TTLL7: variants seen among roughly 807,000 people sequenced by gnomAD.
TTLL7 encodes the protein tubulin tyrosine ligase like 7.
TTLL7 carries 53 observed loss-of-function variants against 120.2 expected under a neutral mutation model. The observed-to-expected ratio is 0.44, with a 90% CI of 0.35 to 0.55. The LOEUF is 0.55. TTLL7 is among the 20% of genes least tolerant of loss of function. The pLI is 0.00. For synonymous variants in TTLL7, 353 were observed against 351.7 expected, an observed-to-expected ratio of 1.00 and a Z score of -0.04; for missense variants, 803 against 1,054.7, an observed-to-expected ratio of 0.76 and a Z score of 3.31.
intron 1 of TTLL7, among the ~76,000 whole-genome samples, chr1:83,989,090 C>G (rs900795709): frequency 1.3e-5 from 2 of 152,160 alleles, no homozygotes; most frequent in Non-Finnish European, 2.9e-5. Context: ...ACCTTTGTCA[C>G]ATACATAGTT....
chr1:83,967,383 TC>T (rs1650565131), intron 1 of TTLL7, among the ~76,000 whole-genome samples: 1 of 152,104 alleles, frequency 6.6e-6, no homozygotes, highest in Non-Finnish European at 1.5e-5. Flanking sequence ...ATCTCCAACT[TC>T]TGGTTCAAGG....
chr1:83,924,432 A>G (rs1658937622), intron 10 of TTLL7, among the ~76,000 whole-genome samples: 1 of 152,204 alleles, frequency 6.6e-6, no homozygotes, highest in African/African-American at 2.4e-5. Context: ...GAAGAACTTG[A>G]AAACATTATC....
At chr1:83,998,529 T>C (rs895361129) in intron 1 of TTLL7, among the ~76,000 whole-genome samples, 1 of 152,210 alleles carries the variant, frequency 6.6e-6, no homozygotes, top group Non-Finnish European at 1.5e-5. Flanking sequence ...TGATACCCTT[T>C]CAAGAATGCC....
intron 1 of TTLL7, among the ~76,000 whole-genome samples, chr1:83,957,706 A>G (rs934388557): frequency 5.9e-5 from 9 of 152,152 alleles, no homozygotes; most frequent in African/African-American, 2.2e-4. Flanking sequence ...CTACCTTCAA[A>G]ATTCAGCCTT....
intron 14 of TTLL7, among the ~76,000 whole-genome samples, chr1:83,917,061 A>C (rs1658253635): frequency 6.6e-6 from 1 of 151,546 alleles, no homozygotes; most frequent in South Asian, 2.1e-4. Context: ...TGAACATACC[A>C]CTGGACTTTA....
chr1:83,971,934 T>C (rs944090272), intron 1 of TTLL7, among the ~76,000 whole-genome samples: 4 of 148,328 alleles, frequency 2.7e-5, no homozygotes, highest in African/African-American at 4.9e-5. Flanking sequence ...TTTTTCATAT[T>C]GATTTATTTA....
intron 19 of TTLL7, among the ~76,000 whole-genome samples, chr1:83,884,725 G>A (rs958338859): frequency 8.0e-6 from 1 of 124,448 alleles, no homozygotes; most frequent in Non-Finnish European, 1.6e-5. Context: ...GACTGTTGTG[G>A]GGTGGGGGGA....
At chr1:83,910,746 C>T (rs1229627465) in intron 15 of TTLL7, among the ~76,000 whole-genome samples, 1 of 151,968 alleles carries the variant, frequency 6.6e-6, no homozygotes, top group Admixed American at 6.6e-5. Context: ...AAGTCAAATG[C>T]CTAGGGATAT....
intron 9 of TTLL7, among the ~76,000 whole-genome samples, chr1:83,932,273 G>T (rs1659659149): frequency 6.6e-6 from 1 of 152,094 alleles, no homozygotes; most frequent in African/African-American, 2.4e-5. Flanking sequence ...CAAAAGAAAA[G>T]TAACAGGGGC....
intron 1 of TTLL7, among the ~76,000 whole-genome samples, chr1:83,956,576 C>T (rs1356806876): frequency 1.3e-5 from 2 of 151,970 alleles, no homozygotes; most frequent in African/African-American, 2.4e-5. Flanking sequence ...TACAGGCATG[C>T]GCCACCACAC....
Position 83,931,566 on chromosome 1 carries a change from C to A in TTLL7, c.1047+2042G>T, listed in dbSNP as rs142131940. ...TACCTACTAGTACTTATAACTATTA[C>A]CATAAAATGCACATCTGAATAATGG... On this transcript the variant is annotated intron_variant, in intron 9 of 20. Coordinates refer to ENST00000260505, the MANE Select transcript of TTLL7 (RefSeq NM_024686.6). 8.7e-4 allele frequency among the ~76,000 whole-genome samples: 133 copies of A among 152,144 alleles called. 1 individual carries two copies. The East Asian group carries it at 0.024, about 28-fold the overall frequency.
chr1:83,873,473 G>A (rs372141046), intron 20 of TTLL7, among the ~76,000 whole-genome samples: 5 of 152,048 alleles, frequency 3.3e-5, no homozygotes, highest in African/African-American at 1.2e-4. Flanking sequence ...AAGAATTTGT[G>A]TAAAGCACTA....
intron 9 of TTLL7, among the ~76,000 whole-genome samples, chr1:83,930,824 G>GTTA (rs749303344): frequency 1.4e-4 from 21 of 151,942 alleles, no homozygotes; most frequent in Non-Finnish European, 2.9e-4. Flanking sequence ...TGAGGTCTTG[G>GTTA]TATAAAGCCA....
rs1183316923 is a variant in TTLL7 at position 83,933,674 on chromosome 1, A to G, written c.981T>C (p.Ser327=). 41 of 1,613,684 alleles carry G rather than the reference A, an allele frequency of 2.5e-5. No individual in the cohort carries two copies. Among genetic ancestry groups the G allele is most frequent in the Non-Finnish European group, 3.4e-5 (40 of 1,179,750 alleles). ...CRPGQPPGSE[S]VCFEVLGFDI... Reference sequence around the variant, plus strand: ...CAAATCCCAGGACTTCAAAGCAGACACTTTCGCTTCCTGGAGGTTGACCAG... The same window carrying G: ...CAAATCCCAGGACTTCAAAGCAGACGCTTTCGCTTCCTGGAGGTTGACCAG... The change falls in exon 9 of 21, where the codon AGT becomes AGC. Residue 327 remains serine (S), a synonymous_variant. Coordinates refer to ENST00000260505, the MANE Select transcript of TTLL7 (RefSeq NM_024686.6).
At chr1:83,928,917 T>G (rs1454051299) in intron 10 of TTLL7, among the ~76,000 whole-genome samples, 1 of 151,892 alleles carries the variant, frequency 6.6e-6, no homozygotes, top group East Asian at 1.9e-4. Flanking sequence ...ATTTTTTTTT[T>G]TAACTATATG....
intron 1 of TTLL7, among the ~76,000 whole-genome samples, chr1:83,974,168 T>C (rs1425700334): frequency 2.0e-5 from 3 of 152,014 alleles, no homozygotes; most frequent in Non-Finnish European, 4.4e-5. Flanking sequence ...ACAAAGCTGA[T>C]GTAGCAATTT....
In TTLL7 at chr1:83,925,876, C is replaced by T. The variant is rs1659062874; in HGVS notation, c.1142+3260G>A. ...GTGGCTTACACCTGTAATCTCAGCA[C>T]TTTGGGAGGCCGAGGCGGTGGATCA... On this transcript the variant is annotated intron_variant, in intron 10 of 20. Transcript: ENST00000260505. Among the ~76,000 whole-genome samples the T allele has an allele frequency of 5.3e-5, 8 of 152,148 alleles. No homozygotes were observed. The South Asian group carries it at 1.7e-3, about 32-fold the overall frequency.
chr1:83,942,683 T>C lies in TTLL7; in HGVS notation c.507-4A>G, dbSNP rs771897817. The C allele has an allele frequency of 5.6e-6, 9 of 1,596,132 alleles. No individual in the cohort carries two copies. The highest frequency in any genetic ancestry group is 2.7e-5 in the African/African-American group (2 of 74,076). ...ACCATTTCTTATCAAAGAAATCCTA[T>C]GTTTAAAGAAAAAAATTAAAAGAAT... On this transcript the variant is annotated splice_region_variant and splice_polypyrimidine_tract_variant and intron_variant, in intron 6 of 20. Coordinates refer to ENST00000260505, the MANE Select transcript of TTLL7 (RefSeq NM_024686.6).
At chr1:83,909,819 G>A (rs376370169) in intron 15 of TTLL7, among the ~76,000 whole-genome samples, 23 of 152,140 alleles carry the variant, frequency 1.5e-4, no homozygotes, top group African/African-American at 5.1e-4. Flanking sequence ...TGCCATTAGG[G>A]AGGTACACAT....
Sources: gnomAD v4.1 joint callset for allele counts (sites outside exome capture counted in the v4.1 genomes callset) on GRCh38, gnomAD v4.1.1 for gene constraint, MANE v1.5 for transcripts, NCBI Gene and HGNC (gene_info 2026-07-23, HGNC 2026-07-21) for gene names.